MORC1: variants seen among roughly 807,000 people sequenced by gnomAD.
The protein encoded by MORC1 is MORC family CW-type zinc finger protein 1.
In MORC1, 59 loss-of-function variants were observed where a neutral mutation model predicts 134.9. The ratio of observed to expected loss-of-function variants is 0.44; its 90% CI spans 0.35 to 0.54. MORC1 has a LOEUF of 0.54. MORC1 is among the 20% of genes least tolerant of loss of function. The pLI, the probability that MORC1 is intolerant of heterozygous loss-of-function variation, is 0.00. For synonymous variants in MORC1, 395 were observed against 391.7 expected (o/e 1.01, Z -0.10); for missense variants, 947 against 1,134.5 (o/e 0.83, Z 2.37).
At chr3:109,067,957 G>C (rs554794811) in intron 9 of MORC1, among the ~76,000 whole-genome samples, 1 of 152,262 alleles carries the variant, frequency 6.6e-6, no homozygotes, top group Non-Finnish European at 1.5e-5. Context: ...ATATAATAAA[G>C]AGTTAATGTG....
At chr3:109,117,331 C>CAAAAAAAAAAAAAAAAAAAA (rs202128565) in intron 1 of MORC1, among the ~76,000 whole-genome samples, 3 of 113,640 alleles carry the variant, frequency 2.6e-5, no homozygotes, top group African/African-American at 6.7e-5. Flanking sequence ...CAAAAGATGT[C>CAAAAAAAAAAAAAAAAAAAA]AAAAAAAAAA....
Position 108,958,959 on chromosome 3 carries a change from T to G in MORC1, c.*6A>C, listed in dbSNP as rs370610500. On this transcript the variant is annotated 3_prime_UTR_variant, in exon 28 of 28. Transcript: ENST00000232603. ...GCATTTTTTAAAAGGTAATACCATCTCTGACTTAATTTTCCGAAGTCTTTT... is the reference window on the plus strand; with the variant it reads ...GCATTTTTTAAAAGGTAATACCATCGCTGACTTAATTTTCCGAAGTCTTTT... The G allele has an allele frequency of 2.0e-4, 300 of 1,483,908 alleles. No individual in the cohort carries two copies. The highest frequency in any genetic ancestry group is 2.5e-4 in the Non-Finnish European group (274 of 1,116,824). The allele number at this position is 1,483,908 out of a possible 1,614,324, so 91.9% of individuals were successfully genotyped here.
intron 2 of MORC1, among the ~76,000 whole-genome samples, chr3:109,111,003 G>A (rs1442961472): frequency 1.4e-5 from 2 of 143,056 alleles, no homozygotes; most frequent in Middle Eastern, 4.1e-3. Context: ...AAGAAGAGAT[G>A]GAATTTAGTG....
intron 17 of MORC1, among the ~76,000 whole-genome samples, chr3:109,015,318 T>C (rs912347527): frequency 2.6e-5 from 4 of 152,192 alleles, no homozygotes; most frequent in African/African-American, 9.6e-5. Context: ...CAAAGACAGC[T>C]GCACTGAGCA....
At chr3:108,970,452 C>T (rs1471327724) in intron 25 of MORC1, among the ~76,000 whole-genome samples, 4 of 152,066 alleles carry the variant, frequency 2.6e-5, no homozygotes, top group Non-Finnish European at 5.9e-5. Flanking sequence ...CAAGAACAGT[C>T]ATAGTTCAGC....
At chr3:109,015,011 G>C (rs1394674561) in intron 17 of MORC1, among the ~76,000 whole-genome samples, 1 of 151,980 alleles carries the variant, frequency 6.6e-6, no homozygotes, top group East Asian at 1.9e-4. Context: ...TCAGCCTCCC[G>C]AGTAGCTGGG....
chr3:109,085,161 T>C (rs1019257280), intron 8 of MORC1, among the ~76,000 whole-genome samples: 10 of 151,652 alleles, frequency 6.6e-5, no homozygotes, highest in African/African-American at 2.4e-4. Context: ...TGTGTGTCTA[T>C]CTGTGTATGT....
intron 17 of MORC1, among the ~76,000 whole-genome samples, chr3:109,026,369 C>T (rs768192097): frequency 6.6e-6 from 1 of 152,096 alleles, no homozygotes; most frequent in Non-Finnish European, 1.5e-5. Context: ...AAAAAATCAA[C>T]TACCAACAAA....
At chr3:108,972,765 C>A (rs1947425948) in intron 24 of MORC1, among the ~76,000 whole-genome samples, 1 of 152,208 alleles carries the variant, frequency 6.6e-6, no homozygotes, top group South Asian at 2.1e-4. Context: ...CAAATTCAGG[C>A]TCCCTTTCCC....
chr3:109,076,297 G>A (rs1576715937), intron 8 of MORC1, among the ~76,000 whole-genome samples: 1 of 152,210 alleles, frequency 6.6e-6, no homozygotes, highest in East Asian at 1.9e-4. Context: ...CTCACGCCAG[G>A]TAGAATGGCA....
At chr3:109,048,467 C>T (rs1949746563) in intron 14 of MORC1, among the ~76,000 whole-genome samples, 1 of 152,142 alleles carries the variant, frequency 6.6e-6, no homozygotes, top group Non-Finnish European at 1.5e-5. Flanking sequence ...ACAAGTTGAT[C>T]ACTGAGGCTG....
intron 9 of MORC1, among the ~76,000 whole-genome samples, chr3:109,068,195 G>A (rs1950241799): frequency 6.6e-6 from 1 of 152,156 alleles, no homozygotes; most frequent in Non-Finnish European, 1.5e-5. Context: ...CTCAAAACAA[G>A]AATTAATCTT....
intron 17 of MORC1, among the ~76,000 whole-genome samples, chr3:109,022,451 T>C (rs1203828738): frequency 6.6e-6 from 1 of 152,268 alleles, no homozygotes; most frequent in African/African-American, 2.4e-5. Flanking sequence ...GATTATACTA[T>C]TTCATTTCTG....
intron 21 of MORC1, among the ~76,000 whole-genome samples, chr3:109,000,220 C>T (rs937338883): frequency 6.6e-6 from 1 of 152,050 alleles, no homozygotes; most frequent in Non-Finnish European, 1.5e-5. Context: ...TCATATTCTT[C>T]GGATTTGGGA....
chr3:109,099,583 C>T (rs1452626699), intron 5 of MORC1, 117 bp from the exon 6 acceptor site: 2 of 722,858 alleles, frequency 2.8e-6, no homozygotes, highest in Admixed American at 3.9e-5. Flanking sequence ...CTCTGTTCTG[C>T]TGACCCGTCA....
intron 24 of MORC1, among the ~76,000 whole-genome samples, chr3:108,977,834 T>A (rs894939554): frequency 3.3e-5 from 5 of 152,190 alleles, no homozygotes; most frequent in Non-Finnish European, 7.3e-5. Flanking sequence ...GGGATTATAC[T>A]GTAAGCTACA....
chr3:108,977,280 T>C (rs1175546799), intron 24 of MORC1, among the ~76,000 whole-genome samples: 1 of 152,222 alleles, frequency 6.6e-6, no homozygotes, highest in Non-Finnish European at 1.5e-5. Flanking sequence ...ACCATTCTCA[T>C]GAATTTGTGA....
intron 14 of MORC1, among the ~76,000 whole-genome samples, chr3:109,054,183 G>A (rs1460065607): frequency 6.6e-6 from 1 of 151,786 alleles, no homozygotes; most frequent in Non-Finnish European, 1.5e-5. Flanking sequence ...TCGGGAGGCT[G>A]AGGCAGAGAA....
chr3:109,055,362 T>C (rs1949933502), intron 13 of MORC1, among the ~76,000 whole-genome samples: 1 of 152,214 alleles, frequency 6.6e-6, no homozygotes, highest in Admixed American at 6.5e-5. Context: ...GGCTTATCCA[T>C]GAGGATCTCA....
Sources: allele counts gnomAD v4.1 joint callset (sites outside exome capture counted in the v4.1 genomes callset), GRCh38; gene constraint gnomAD v4.1.1; transcripts MANE v1.5; gene names NCBI Gene and HGNC (gene_info 2026-07-23, HGNC 2026-07-21).